Variants in SERPINI1 observed in about 807,000 individuals in gnomAD.
The protein encoded by SERPINI1 is serpin family I member 1, also known as neuroserpin.
A neutral mutation model predicts 41.1 loss-of-function variants in SERPINI1; 19 were observed. The observed-to-expected ratio is 0.46, with a 90% CI of 0.32 to 0.68. The LOEUF is 0.68. SERPINI1 is among the 30% of genes least tolerant of loss of function. SERPINI1 has a pLI of 0.03. For synonymous variants in SERPINI1, 138 were observed against 156.6 expected (o/e 0.88, Z 0.89); for missense variants, 460 against 479.2 (o/e 0.96, Z 0.37).
At chr3:167,786,754 T>C (rs1727328266) in intron 1 of SERPINI1, among the ~76,000 whole-genome samples, 1 of 152,186 alleles carries the variant, frequency 6.6e-6, no homozygotes, top group Admixed American at 6.5e-5. Context: ...TCACTTACTG[T>C]AACTTTTATA....
rs569133604 is a variant in SERPINI1 at position 167,798,430 on chromosome 3, T to C, written c.881+3606T>C. On this transcript the variant is annotated intron_variant, in intron 5 of 8. Transcript: ENST00000446050. Reference sequence around the variant, plus strand: ...GAATGGCTCTTTTCAAATACTTATATGTTACAATAATCAGTGTGAAACTCT... The same window carrying C: ...GAATGGCTCTTTTCAAATACTTATACGTTACAATAATCAGTGTGAAACTCT... Among the ~76,000 whole-genome samples, 8 of 152,302 alleles carry C rather than the reference T, an allele frequency of 5.3e-5. No homozygotes were observed. The East Asian group carries it at 1.5e-3, about 29-fold the overall frequency.
At chr3:167,766,134 A>G (rs1369051733) in intron 1 of SERPINI1, among the ~76,000 whole-genome samples, 1 of 151,838 alleles carries the variant, frequency 6.6e-6, no homozygotes, top group African/African-American at 2.4e-5. Flanking sequence ...GTATCTTTTC[A>G]GCAATGCACC....
Position 167,790,416 on chromosome 3 carries a change from G to C in SERPINI1, c.295G>C (p.Ala99Pro). The change falls in exon 3 of 9, where the codon GCT becomes CCT. Residue 99 changes from alanine to proline, a missense_variant. Transcript: ENST00000446050. ...GAAGGAGTTTTCAAACATGGTAACT[G>C]CTAAAGAGAGCCAATATGTGATGAA... ...FLKEFSNMVT[A>P]KESQYVMKIA... is the part of the protein sequence containing the mutation. 2 of 1,613,928 alleles carry C rather than the reference G, an allele frequency of 1.2e-6. No homozygotes were observed. Among genetic ancestry groups the C allele is most frequent in the Non-Finnish European group, 1.7e-6 (2 of 1,179,836 alleles).
At chr3:167,794,473 AAACTT>A in intron 4 of SERPINI1, 142 bp from the exon 5 acceptor site, 1 of 555,520 alleles carries the variant, frequency 1.8e-6, no homozygotes, top group Middle Eastern at 4.9e-4. Flanking sequence ...GTTACATGAA[AAACTT>A]CTTTAGTGGT....
intron 1 of SERPINI1, among the ~76,000 whole-genome samples, chr3:167,773,349 G>A (rs994322286): frequency 7.2e-5 from 11 of 152,006 alleles, no homozygotes; most frequent in Non-Finnish European, 1.2e-4. Flanking sequence ...CATTTCTCTC[G>A]AGATCTCCGA....
chr3:167,757,464 A>G (rs1384274389), intron 1 of SERPINI1, among the ~76,000 whole-genome samples: 3 of 152,088 alleles, frequency 2.0e-5, no homozygotes, highest in Non-Finnish European at 4.4e-5. Context: ...TTCAAAAAGT[A>G]TTCTCGTTTT....
At chr3:167,825,117 AC>A in intron 8 of SERPINI1, 129 bp from the exon 9 acceptor site, 1 of 729,922 alleles carries the variant, frequency 1.4e-6, no homozygotes, top group South Asian at 1.5e-5. Context: ...GGAAGGAAGG[AC>A]AGGAGGAAGG....
intron 6 of SERPINI1, among the ~76,000 whole-genome samples, chr3:167,810,895 C>G (rs903374031): frequency 3.9e-5 from 6 of 152,082 alleles, no homozygotes; most frequent in Non-Finnish European, 8.8e-5. Context: ...CAACGTTGTT[C>G]GCAGCATCTT....
chr3:167,817,208 A>G (rs150996005), intron 6 of SERPINI1, among the ~76,000 whole-genome samples: 2,316 of 152,312 alleles, frequency 0.015, 26 homozygotes, highest in Non-Finnish European at 0.024. Context: ...ATTGAAATTC[A>G]TTCAAAAAGA....
rs545722695 is a variant in SERPINI1, at chr3:167,737,595, A to G, written c.-19+1772A>G. Reference sequence around the variant, plus strand: ...CTTAGATTCTTTCTCAGACCCTACTACTAATTCATTTTGTAAAACTGAATA... The same window carrying G: ...CTTAGATTCTTTCTCAGACCCTACTGCTAATTCATTTTGTAAAACTGAATA... On this transcript the variant is annotated intron_variant, in intron 1 of 8. Coordinates refer to ENST00000446050, the MANE Select transcript of SERPINI1 (RefSeq NM_001122752.2). 5.3e-5 allele frequency among the ~76,000 whole-genome samples: 8 copies of G among 152,220 alleles called. No homozygotes were observed. The South Asian group carries it at 1.5e-3, about 28-fold the overall frequency.
intron 1 of SERPINI1, among the ~76,000 whole-genome samples, chr3:167,748,752 C>CTGTGTGTGTGTGTG (rs34438429): frequency 1.9e-4 from 27 of 143,638 alleles, no homozygotes; most frequent in Admixed American, 4.2e-4. Context: ...GTGTGTTACT[C>CTGTGTGTGTGTGTG]TGTGTGTGTG....
chr3:167,769,096 G>C (rs969028772), intron 1 of SERPINI1, among the ~76,000 whole-genome samples: 4 of 152,050 alleles, frequency 2.6e-5, no homozygotes, highest in Middle Eastern at 3.2e-3. Context: ...CAGGTTCAGA[G>C]AGTTCTCCTG....
At chr3:167,758,530 CATT>C (rs1454000763) in intron 1 of SERPINI1, among the ~76,000 whole-genome samples, 7 of 152,114 alleles carry the variant, frequency 4.6e-5, no homozygotes, top group Admixed American at 6.6e-5. Context: ...TGGCATTAAT[CATT>C]GTTGCAGATA....
chr3:167,797,567 A>C (rs911852516), intron 5 of SERPINI1, among the ~76,000 whole-genome samples: 7 of 152,180 alleles, frequency 4.6e-5, no homozygotes, highest in Non-Finnish European at 7.4e-5. Context: ...GCATATGGCT[A>C]TATATAGCCA....
chr3:167,791,723 TC>T (rs1010502850), intron 3 of SERPINI1, among the ~76,000 whole-genome samples: 1 of 152,228 alleles, frequency 6.6e-6, no homozygotes, highest in African/African-American at 2.4e-5. Context: ...TGGCTTTCAT[TC>T]ATCTGTTTTC....
intron 1 of SERPINI1, among the ~76,000 whole-genome samples, chr3:167,764,376 T>C (rs768824254): frequency 6.6e-6 from 1 of 152,178 alleles, no homozygotes; most frequent in Non-Finnish European, 1.5e-5. Flanking sequence ...GAGCAAGTCA[T>C]ATCTTACATG....
At chr3:167,817,220 G>T (rs746062077) in intron 6 of SERPINI1, among the ~76,000 whole-genome samples, 22 of 152,130 alleles carry the variant, frequency 1.4e-4, no homozygotes, top group Non-Finnish European at 1.9e-4. Flanking sequence ...TCAAAAAGAT[G>T]ATTTGTATAT....
At chr3:167,783,480 A>G (rs189858500) in intron 1 of SERPINI1, among the ~76,000 whole-genome samples, 45 of 152,354 alleles carry the variant, frequency 3.0e-4, no homozygotes, top group Middle Eastern at 3.4e-3. Context: ...AAATGAAGCC[A>G]GAGCTATAAT....
chr3:167,784,424 A>G (rs1422310202), intron 1 of SERPINI1, among the ~76,000 whole-genome samples: 1 of 152,232 alleles, frequency 6.6e-6, no homozygotes, highest in Non-Finnish European at 1.5e-5. Context: ...ATGAATGGCT[A>G]ATGGTGCTAC....
Sources: gnomAD v4.1 joint callset for allele counts (sites outside exome capture counted in the v4.1 genomes callset) on GRCh38, gnomAD v4.1.1 for gene constraint, MANE v1.5 for transcripts, NCBI Gene and HGNC (gene_info 2026-07-23, HGNC 2026-07-21) for gene names.